ZC3H13: variants seen among roughly 807,000 people sequenced by gnomAD.
ZC3H13 encodes the protein zinc finger CCCH domain-containing protein 13.
Under a neutral mutation model 204.1 loss-of-function variants are expected in ZC3H13, and 64 were observed. The ratio of observed to expected loss-of-function variants is 0.31; its 90% CI spans 0.26 to 0.39. ZC3H13 has a LOEUF of 0.39. ZC3H13 is among the 10% of genes least tolerant of loss of function. The pLI is 1.00. For missense variants in ZC3H13, 1,833 were observed against 2,082.7 expected, an observed-to-expected ratio of 0.88 and a Z score of 2.33; for synonymous variants, 667 against 693.7, an observed-to-expected ratio of 0.96 and a Z score of 0.60.
intron 17 of ZC3H13, chr13:45,962,368 TC>T: frequency 1.0e-6 from 1 of 985,356 alleles, no homozygotes; most frequent in Non-Finnish European, 1.2e-6. Context: ...GGTAGCAAAA[TC>T]AAACCAGATT....
chr13:45,976,202 C>G (rs1009771037), intron 11 of ZC3H13: 3 of 985,092 alleles, frequency 3.0e-6, no homozygotes, highest in Non-Finnish European at 1.2e-6. Flanking sequence ...CTCTGTCCCC[C>G]CAGCAGGACC....
chr13:45,995,942 T>C (rs1328984955), intron 8 of ZC3H13, among the ~76,000 whole-genome samples: 1 of 152,244 alleles, frequency 6.6e-6, no homozygotes, highest in African/African-American at 2.4e-5. Flanking sequence ...TAGTTAGCTA[T>C]GCTCTGAGTA....
chr13:46,030,549 C>T (rs1041634685), intron 4 of ZC3H13, among the ~76,000 whole-genome samples: 2 of 152,116 alleles, frequency 1.3e-5, no homozygotes, highest in African/African-American at 4.8e-5. Flanking sequence ...TCAAGACTTC[C>T]TATAAAGCTA....
chr13:45,990,994 G>A (rs559768344), intron 8 of ZC3H13, among the ~76,000 whole-genome samples: 2 of 152,034 alleles, frequency 1.3e-5, no homozygotes, highest in South Asian at 2.1e-4. Flanking sequence ...TTATAGAGAC[G>A]AGGTCTCACT....
Position 45,957,185 on chromosome 13 carries a change from T to C in ZC3H13, c.4952A>G (p.Lys1651Arg). Reference protein sequence around the residue: ...KTTCHAPGHEKTEDNKLSQSS... With the variant: ...KTTCHAPGHERTEDNKLSQSS... ...CTGTGAAAGTTTATTATCTTCAGTC[T>C]TTTCATGTCCTGGAGCATGGCAAGT... is the stretch of plus-strand genomic sequence containing the variant. The change falls in exon 19 of 19, where the codon AAG becomes AGG. Residue 1651 changes from lysine (K) to arginine (R), a missense_variant. Transcript: ENST00000679008. The C allele has an allele frequency of 6.5e-7, 1 of 1,548,340 alleles. No individual in the cohort carries two copies. The highest frequency in any genetic ancestry group is 8.7e-7 in the Non-Finnish European group (1 of 1,145,808).
At position 45,959,432 on chromosome 13, in the gene ZC3H13, T is replaced by C. The variant is rs191855663; in HGVS notation, c.4839+51A>G. ...CAATTTAAAACAACCAAATGAAAAA[T>C]AGGCCATTCACACTATTCACTTTGT... is the stretch of plus-strand genomic sequence containing the variant. On this transcript the variant is annotated intron_variant, in intron 18 of 18. Transcript: ENST00000679008. 1,075 of 1,415,604 alleles carry C rather than the reference T, an allele frequency of 7.6e-4. 1 individual carries two copies. The highest frequency in any genetic ancestry group is 9.5e-4 in the Non-Finnish European group (1,019 of 1,077,984). 87.7% of individuals were successfully genotyped at this position (1,415,604 alleles called of 1,614,324 possible). A position where few individuals can be genotyped will look rare whatever the true frequency, so the allele number is the denominator to read the frequency against.
At position 46,002,423 on chromosome 13, in the gene ZC3H13, T is replaced by C. The variant is rs77740937; in HGVS notation, c.944+716A>G. Among the ~76,000 whole-genome samples, 309 of 152,286 alleles carry C rather than the reference T, an allele frequency of 2.0e-3. 7 individuals are homozygous for C. Among genetic ancestry groups the C allele is most frequent in the Non-Finnish European group, 1.2e-3 (82 of 68,010 alleles). On this transcript the variant is annotated intron_variant, in intron 8 of 18. Transcript: ENST00000679008. ...CAGCAATTCTACTTCTGGGTATATA[T>C]ACAAAAGAACTGAAAGCAGGGTCTC... is the stretch of plus-strand genomic sequence containing the variant.
At chr13:46,029,802 A>G (rs938283313) in intron 4 of ZC3H13, among the ~76,000 whole-genome samples, 9 of 152,192 alleles carry the variant, frequency 5.9e-5, no homozygotes, top group Admixed American at 5.2e-4. Flanking sequence ...AGACATTACA[A>G]AAAAACTAAA....
chr13:46,003,198 T>G lies in ZC3H13; in HGVS notation c.885A>C (p.Arg295Ser). 1 of 1,613,126 alleles carries G rather than the reference T, an allele frequency of 6.2e-7. No homozygotes were observed. Among genetic ancestry groups the G allele is most frequent in the Non-Finnish European group, 8.5e-7 (1 of 1,179,778 alleles). ...AATCTCGTCCTCTGTCCTTTCCATC[T>G]CTTGTTTTTTCTTCTATCCTGTCTT... ...KVKDRIEEKT[R>S]DGKDRGRDFE... The change falls in exon 8 of 19, where the codon AGA (arginine) becomes AGC (serine). Residue 295 changes from arginine (R) to serine (S), a missense_variant. By Grantham distance (110) the Arg-to-Ser change is moderately radical. This residue lies in a region of ZC3H13 where 1,574 missense variants were observed against 1,757.2 expected (regional missense o/e 0.90). Coordinates refer to ENST00000679008, the MANE Select transcript of ZC3H13 (RefSeq NM_001330564.2).
At chr13:46,013,447 T>A (rs918301627) in intron 5 of ZC3H13, among the ~76,000 whole-genome samples, 1 of 151,498 alleles carries the variant, frequency 6.6e-6, no homozygotes, top group Admixed American at 6.6e-5. Flanking sequence ...AAAAGTCTAG[T>A]CAATGTAGTA....
intron 14 of ZC3H13, among the ~76,000 whole-genome samples, chr13:45,968,314 A>G (rs1307919909): frequency 6.6e-6 from 1 of 152,182 alleles, no homozygotes; most frequent in East Asian, 1.9e-4. Flanking sequence ...TAACCATAAA[A>G]TATCTTCCAA....
At position 46,020,632 on chromosome 13, in the gene ZC3H13, C is replaced by T. The variant is rs1004543635; in HGVS notation, c.340-75G>A. 1.8e-5 allele frequency: 17 copies of T among 944,538 alleles called. No homozygotes were observed. The African/African-American group carries it at 2.8e-4, about 15-fold the overall frequency. The allele number at this position is 944,538 out of a possible 1,614,324, so 58.5% of individuals were successfully genotyped here. A position where few individuals can be genotyped will look rare whatever the true frequency, so the allele number is the denominator to read the frequency against. ...GAGGTAGTTTATTGTAATAAGAGAA[C>T]ATTTTAATTTCATTCATCTCTGTTT... On this transcript the variant is annotated intron_variant, in intron 4 of 18. Coordinates refer to ENST00000679008, the MANE Select transcript of ZC3H13 (RefSeq NM_001330564.2).
Position 45,969,708 on chromosome 13 carries a change from G to A in ZC3H13, c.2836C>T (p.Arg946Ter). Residue 946 changes from arginine (R) to a stop codon, truncating the protein, a stop_gained, in exon 14 of 19, where the codon CGA becomes TGA. Coordinates refer to ENST00000679008, the MANE Select transcript of ZC3H13 (RefSeq NM_001330564.2). LOFTEE classifies it high-confidence loss of function. ...TCATGAGCTCGATCAGATGTCTCTCGATCTTCAGACTGGTGGTGTCCTATA... is the reference window on the plus strand; with the variant it reads ...TCATGAGCTCGATCAGATGTCTCTCAATCTTCAGACTGGTGGTGTCCTATA... Reference protein sequence around the residue: ...DIIGHHQSEDRETSDRAHDEN... With the variant: ...DIIGHHQSED The A allele has an allele frequency of 1.2e-6, 2 of 1,613,398 alleles. No homozygotes were observed. The highest frequency in any genetic ancestry group is 2.2e-5 in the South Asian group (2 of 91,028).
chr13:45,969,880 T>C lies in ZC3H13; in HGVS notation c.2664A>G (p.Arg888=). The C allele has an allele frequency of 6.2e-7, 1 of 1,613,946 alleles. No individual in the cohort carries two copies. The highest frequency in any genetic ancestry group is 1.1e-5 in the South Asian group (1 of 91,084). The change falls in exon 14 of 19, where the codon AGA becomes AGG. Residue 888 remains arginine (R), a synonymous_variant. Coordinates refer to ENST00000679008, the MANE Select transcript of ZC3H13 (RefSeq NM_001330564.2). ...CTGGTTTACGATCCTCCTCTTTCCA[T>C]CTACCCTGTCTGTCTTCTGTGAGGT... is the stretch of plus-strand genomic sequence containing the variant. ...PSHLTEDRQG[R]WKEEDRKPER... is the part of the protein sequence containing the mutation.
chr13:46,003,432 T>C (rs2040895596), intron 7 of ZC3H13, 96 bp from the exon 8 acceptor site: 3 of 1,146,362 alleles, frequency 2.6e-6, no homozygotes, highest in Non-Finnish European at 3.7e-6. Flanking sequence ...TTTACATTAC[T>C]TGCCCTTTAT....
Position 45,957,216 on chromosome 13 carries a change from T to C in ZC3H13, c.4921A>G (p.Lys1641Glu). Residue 1641 changes from lysine to glutamate, a missense_variant, in exon 19 of 19, where the codon AAG becomes GAG. Around this residue, in one of 5 missense-constraint regions of ZC3H13, gnomAD observed 211 missense variants for 228.4 expected, o/e 0.92. Coordinates refer to ENST00000679008, the MANE Select transcript of ZC3H13 (RefSeq NM_001330564.2). Reference sequence around the variant, plus strand: ...TGTCCTGGAGCATGGCAAGTAGTCTTCCGCTTAAATAACCGAAGACTCAAT... The same window carrying C: ...TGTCCTGGAGCATGGCAAGTAGTCTCCCGCTTAAATAACCGAAGACTCAAT... ...LRLSLRLFKR[K>E]TTCHAPGHEK... 1 of 1,549,108 alleles carries C rather than the reference T, an allele frequency of 6.5e-7. No homozygotes were observed. The highest frequency in any genetic ancestry group is 8.7e-7 in the Non-Finnish European group (1 of 1,146,180).
chr13:46,009,085 G>A (rs990218276), intron 7 of ZC3H13, among the ~76,000 whole-genome samples: 2 of 152,052 alleles, frequency 1.3e-5, no homozygotes, highest in African/African-American at 4.8e-5. Context: ...CAACATGGAG[G>A]TATAAGCAAA....
intron 10 of ZC3H13, among the ~76,000 whole-genome samples, chr13:45,984,130 A>T (rs940996053): frequency 6.6e-6 from 1 of 152,256 alleles, no homozygotes; most frequent in Non-Finnish European, 1.5e-5. Context: ...ACAAAGAAAG[A>T]CATGAAAGAT....
chr13:45,985,220 AAC>A, intron 10 of ZC3H13, 75 bp downstream of exon 10: 1 of 1,344,062 alleles, frequency 7.4e-7, no homozygotes, highest in Non-Finnish European at 1.0e-6. Context: ...AAATGTAAGA[AAC>A]AACATATTAG....
Sources: gnomAD v4.1 joint callset for allele counts (sites outside exome capture counted in the v4.1 genomes callset) on GRCh38, gnomAD v4.1.1 for gene constraint, gnomAD v4.1.1 regional missense constraint, MANE v1.5 for transcripts, NCBI Gene and HGNC (gene_info 2026-07-23, HGNC 2026-07-21) for gene names.